The following FER variants were observed in gnomAD, a reference collection of about 807,000 sequenced individuals.
The protein encoded by FER is FER tyrosine kinase, also known as tyrosine-protein kinase Fer.
FER carries 63 observed loss-of-function variants against 111.0 expected under a neutral mutation model. The observed-to-expected ratio is 0.57, with a 90% CI of 0.46 to 0.70. FER has a LOEUF of 0.70. Ranked by LOEUF, FER falls within the 30% of genes least tolerant of loss-of-function variation. The pLI is 0.00. For synonymous variants in FER, 327 were observed against 313.9 expected, an observed-to-expected ratio of 1.04 and a Z score of -0.44; for missense variants, 914 against 954.0, an observed-to-expected ratio of 0.96 and a Z score of 0.55.
intron 5 of FER, among the ~76,000 whole-genome samples, chr5:108,849,228 C>G (rs961483309): frequency 6.6e-6 from 1 of 152,064 alleles, no homozygotes; most frequent in Admixed American, 6.5e-5. Context: ...TATTTCTTCA[C>G]ATATATTTTC....
chr5:108,883,550 A>T, intron 9 of FER, 32 bp downstream of exon 9: 3 of 1,525,292 alleles, frequency 2.0e-6, no homozygotes, highest in Non-Finnish European at 2.6e-6. Flanking sequence ...TGAAGGAAGA[A>T]TGTTTAATTG....
At chr5:108,774,235 T>A (rs552480457) in intron 2 of FER, among the ~76,000 whole-genome samples, 5 of 151,762 alleles carry the variant, frequency 3.3e-5, no homozygotes, top group Admixed American at 6.6e-5. Context: ...TATGAGCTCA[T>A]TCCTTTTTAT....
chr5:108,810,301 T>C (rs1219683883), intron 3 of FER, among the ~76,000 whole-genome samples: 1 of 152,182 alleles, frequency 6.6e-6, no homozygotes, highest in South Asian at 2.1e-4. Context: ...TGGGTGTGTA[T>C]ACTTGATCCT....
intron 3 of FER, among the ~76,000 whole-genome samples, chr5:108,824,697 CT>C (rs1759255615): frequency 1.3e-5 from 2 of 151,966 alleles, no homozygotes; most frequent in African/African-American, 2.4e-5. Context: ...TGTTATTGAT[CT>C]TTATATGTTG....
intron 17 of FER, among the ~76,000 whole-genome samples, chr5:109,123,468 G>GT (rs1171041770): frequency 9.1e-4 from 136 of 149,010 alleles, no homozygotes; most frequent in African/African-American, 2.9e-3. Flanking sequence ...TTTTTTTGTT[G>GT]GTTTTTTTTT....
intron 17 of FER, among the ~76,000 whole-genome samples, chr5:109,101,453 A>G (rs7709487): frequency 0.073 from 11,130 of 152,066 alleles, 474 homozygotes; most frequent in Middle Eastern, 0.14. Context: ...AGGAAAACAA[A>G]GTTACCATCA....
rs558354411 is a variant in FER at position 108,837,470 on chromosome 5, C to G, written c.481+1663C>G. 4.7e-3 allele frequency among the ~76,000 whole-genome samples: 715 copies of G among 152,256 alleles called. 1 individual carries two copies. The highest frequency in any genetic ancestry group is 7.8e-3 in the Non-Finnish European group (527 of 67,996). On this transcript the variant is annotated intron_variant, in intron 5 of 19. Coordinates refer to ENST00000281092, the MANE Select transcript of FER (RefSeq NM_005246.4). ...TCAAAATAGTTAATTTTATAAAGTT[C>G]ATTGCTTCATGCCTGGCTAGCATTC...
At chr5:108,803,888 T>C (rs934425236) in intron 3 of FER, among the ~76,000 whole-genome samples, 2 of 152,168 alleles carry the variant, frequency 1.3e-5, no homozygotes, top group African/African-American at 4.8e-5. Context: ...AGTAGTTTGA[T>C]AGGAATAGTG....
At chr5:109,088,555 G>C (rs1433443253) in intron 16 of FER, among the ~76,000 whole-genome samples, 1 of 152,032 alleles carries the variant, frequency 6.6e-6, no homozygotes, top group Non-Finnish European at 1.5e-5. Flanking sequence ...GTGAGAAAAG[G>C]AAGAGAATTA....
intron 10 of FER, among the ~76,000 whole-genome samples, chr5:108,943,557 C>G (rs985159246): frequency 6.6e-6 from 1 of 152,034 alleles, no homozygotes; most frequent in Non-Finnish European, 1.5e-5. Context: ...AATTCTTGCC[C>G]TTTATATCTT....
intron 13 of FER, among the ~76,000 whole-genome samples, chr5:108,977,737 C>T (rs1312605645): frequency 6.6e-6 from 1 of 152,154 alleles, no homozygotes; most frequent in African/African-American, 2.4e-5. Flanking sequence ...TAACTTAAAC[C>T]TCATAATGGC....
At position 109,005,820 on chromosome 5, in the gene FER, C is replaced by T. The variant is rs565572552; in HGVS notation, c.1657-31602C>T. 4.6e-5 allele frequency among the ~76,000 whole-genome samples: 7 copies of T among 152,310 alleles called. No individual in the cohort carries two copies. The East Asian group carries it at 1.4e-3, about 29-fold the overall frequency. ...CTTTGTAAACTCTTGTACAGTGCTT[C>T]ACACCCAGGAAGTGTCTCACTGTTG... is the stretch of plus-strand genomic sequence containing the variant. On this transcript the variant is annotated intron_variant, in intron 13 of 19. Transcript: ENST00000281092.
At chr5:108,991,118 TAAG>T (rs1322509583) in intron 13 of FER, among the ~76,000 whole-genome samples, 17 of 151,250 alleles carry the variant, frequency 1.1e-4, no homozygotes, top group Non-Finnish European at 2.5e-4. Flanking sequence ...AGACAGAAAA[TAAG>T]AAAATTATTA....
At chr5:108,884,222 A>G (rs1746705467) in intron 9 of FER, among the ~76,000 whole-genome samples, 2 of 151,990 alleles carry the variant, frequency 1.3e-5, no homozygotes. Context: ...TCTTTGATTT[A>G]TCAAGACTCT....
At chr5:108,927,250 C>CTTTTTTTTTT (rs773963733) in intron 10 of FER, among the ~76,000 whole-genome samples, 6 of 95,372 alleles carry the variant, frequency 6.3e-5, no homozygotes, top group African/African-American at 1.5e-4. Context: ...TGAGAAGTGG[C>CTTTTTTTTTT]TCTTTTTTTT....
rs975194460 is a variant in FER, at chr5:109,194,785, A to C, written c.*7210A>C. Reference sequence around the variant, plus strand: ...CTGGAGCAGCAAAAAACTGAGCAGGAAAGGAAACAGAATCCAAAGTCATTT... The same window carrying C: ...CTGGAGCAGCAAAAAACTGAGCAGGCAAGGAAACAGAATCCAAAGTCATTT... On this transcript the variant is annotated 3_prime_UTR_variant, in exon 20 of 20. Coordinates refer to ENST00000281092, the MANE Select transcript of FER (RefSeq NM_005246.4). 1 of 151,826 alleles carries C rather than the reference A, an allele frequency of 6.6e-6. No individual in the cohort carries two copies. The highest frequency in any genetic ancestry group is 2.4e-5 in the African/African-American group (1 of 41,410). The allele number at this position is 151,826 out of a possible 1,614,324, so 9.4% of individuals were successfully genotyped here.
At chr5:108,883,280 G>C (rs1765850637) in intron 8 of FER, 116 bp from the exon 9 acceptor site, 4 of 973,168 alleles carry the variant, frequency 4.1e-6, no homozygotes, top group Non-Finnish European at 5.7e-6. Context: ...GTTTGAATCA[G>C]ATTATATGTG....
rs1364603148 is a variant in FER, at chr5:108,832,955, C to T, written c.381+12C>T. On this transcript the variant is annotated intron_variant, in intron 4 of 19. Coordinates refer to ENST00000281092, the MANE Select transcript of FER (RefSeq NM_005246.4). ...CAGAGATGATCAAGGTTCGTTTTTCCATATTGAAGTTCTTTCTTGAAATTG... is the reference window on the plus strand; with the variant it reads ...CAGAGATGATCAAGGTTCGTTTTTCTATATTGAAGTTCTTTCTTGAAATTG... 2 of 1,522,938 alleles carry T rather than the reference C, an allele frequency of 1.3e-6. No homozygotes were observed. The highest frequency in any genetic ancestry group is 1.8e-6 in the Non-Finnish European group (2 of 1,132,368). The allele number at this position is 1,522,938 out of a possible 1,614,324, so 94.3% of individuals were successfully genotyped here.
chr5:109,171,801 G>A (rs1030519198), intron 17 of FER, among the ~76,000 whole-genome samples: 1 of 152,112 alleles, frequency 6.6e-6, no homozygotes. Context: ...TTTTATTGTA[G>A]CCTCAGACAG....
Sources: allele counts gnomAD v4.1 joint callset (sites outside exome capture counted in the v4.1 genomes callset), GRCh38; gene constraint gnomAD v4.1.1; transcripts MANE v1.5; gene names NCBI Gene and HGNC (gene_info 2026-07-23, HGNC 2026-07-21).